RMI2: variants seen among roughly 807,000 people sequenced by gnomAD.
RMI2 encodes recQ-mediated genome instability protein 2.
A neutral mutation model predicts 8.4 loss-of-function variants in RMI2; 11 were observed. The observed-to-expected ratio is 1.32, with a 90% CI of 0.83 to 2.18. The LOEUF is 2.18. RMI2 is among the 30% of genes most tolerant of loss of function. RMI2 has a pLI of 0.00. For missense variants in RMI2, 253 were observed against 207.5 expected (o/e 1.22, Z -1.35); for synonymous variants, 105 against 93.8 (o/e 1.12, Z -0.69).
Position 11,351,256 on chromosome 16 carries a change from C to G in RMI2, c.*466C>G, listed in dbSNP as rs2070968094. ...GTAAAAAAGGAATGACATCCTGGCT[C>G]CTCATCTTCTTCATCAGCAACTACC... On this transcript the variant is annotated 3_prime_UTR_variant, in exon 2 of 2. Coordinates refer to ENST00000312499, the MANE Select transcript of RMI2 (RefSeq NM_152308.3). 4 of 233,200 alleles carry G rather than the reference C, an allele frequency of 1.7e-5. No homozygotes were observed. Among genetic ancestry groups the G allele is most frequent in the Non-Finnish European group, 3.4e-5 (4 of 118,150 alleles). 14.4% of individuals were successfully genotyped at this position (233,200 alleles called of 1,614,324 possible). A position where few individuals can be genotyped will look rare whatever the true frequency, so the allele number is the denominator to read the frequency against.
At chr16:11,346,444 A>G (rs1055621838) in intron 1 of RMI2, among the ~76,000 whole-genome samples, 3 of 152,094 alleles carry the variant, frequency 2.0e-5, no homozygotes, top group Non-Finnish European at 4.4e-5. Flanking sequence ...ATTTTTTAGC[A>G]GAGACTGGGT....
Position 11,345,780 on chromosome 16 carries a change from C to A in RMI2, c.295+14C>A. The stretch of plus-strand genomic sequence containing the variant: ...GTCTAGTCCCAGGTAATGCCCGGGC[C>A]TTACCGGGCGCCCTCTTCCCTGCTG... On this transcript the variant is annotated intron_variant, in intron 1 of 1. Coordinates refer to ENST00000312499, the MANE Select transcript of RMI2 (RefSeq NM_152308.3). The A allele has an allele frequency of 2.4e-6, 3 of 1,232,916 alleles. No homozygotes were observed. The highest frequency in any genetic ancestry group is 3.0e-6 in the Non-Finnish European group (3 of 988,106). The allele number at this position is 1,232,916 out of a possible 1,614,324, so 76.4% of individuals were successfully genotyped here.
At chr16:11,348,784 TG>T (rs2070919057) in intron 1 of RMI2, 1 of 152,564 alleles carries the variant, frequency 6.6e-6, no homozygotes, top group African/African-American at 2.4e-5. Flanking sequence ...GGACTTTCAG[TG>T]TTAAAACTGG....
chr16:11,346,016 A>C (rs2070861043), intron 1 of RMI2, among the ~76,000 whole-genome samples: 1 of 152,118 alleles, frequency 6.6e-6, no homozygotes, highest in African/African-American at 2.4e-5. Flanking sequence ...TCCCACCCCT[A>C]GTGGGAATCT....
intron 1 of RMI2, among the ~76,000 whole-genome samples, chr16:11,346,440 T>A (rs938005307): frequency 6.6e-5 from 10 of 152,128 alleles, no homozygotes; most frequent in Admixed American, 2.0e-4. Flanking sequence ...TTGTATTTTT[T>A]AGCAGAGACT....
At chr16:11,345,808 C>T (rs74010208) in intron 1 of RMI2, 42 bp downstream of exon 1, 3 of 1,222,290 alleles carry the variant, frequency 2.5e-6, no homozygotes, top group South Asian at 8.3e-5. Flanking sequence ...CCCTGCTGCC[C>T]GCCGAGAAGT....
rs770956476 is a variant in RMI2, at chr16:11,345,540, C to G, written c.69C>G (p.Leu23=). Residue 23 remains leucine, a synonymous_variant, in exon 1 of 2, where the codon CTC becomes CTG. Coordinates refer to ENST00000312499, the MANE Select transcript of RMI2 (RefSeq NM_152308.3). ...AGVRLPRSPP[L]KVLAEQLRRD... is the part of the protein sequence containing the mutation. ...TGCGGCTTCCGAGGTCGCCGCCACT[C>G]AAGGTGCTGGCGGAGCAGCTGCGGC... 4.7e-6 allele frequency: 6 copies of G among 1,278,814 alleles called. No homozygotes were observed. The South Asian group carries it at 1.3e-4, about 29-fold the overall frequency. 79.2% of individuals were successfully genotyped at this position (1,278,814 alleles called of 1,614,324 possible).
intron 1 of RMI2, among the ~76,000 whole-genome samples, 186 bp downstream of exon 1, chr16:11,345,952 C>G (rs905393420): frequency 1.3e-5 from 2 of 152,006 alleles, no homozygotes; most frequent in African/African-American, 2.4e-5. Context: ...TGAAGTTGAT[C>G]TGATGATAAG....
In RMI2 at chr16:11,350,613, A is replaced by G. The variant is rs555618893; in HGVS notation, c.296-29A>G. On this transcript the variant is annotated intron_variant, in intron 1 of 1. Coordinates refer to ENST00000312499, the MANE Select transcript of RMI2 (RefSeq NM_152308.3). ...TCAAAAGAAGAAAAAAAAAAAGAAC[A>G]TTACTATGGGCTTTTCTTCTTTTTC... 37 of 1,382,558 alleles carry G rather than the reference A, an allele frequency of 2.7e-5. No homozygotes were observed. In the East Asian group the frequency reaches 9.1e-4, roughly 34 times the overall value. The allele number at this position is 1,382,558 out of a possible 1,614,324, so 85.6% of individuals were successfully genotyped here. A position where few individuals can be genotyped will look rare whatever the true frequency, so the allele number is the denominator to read the frequency against.
intron 1 of RMI2, among the ~76,000 whole-genome samples, chr16:11,347,109 G>A (rs2070886196): frequency 6.6e-6 from 1 of 152,264 alleles, no homozygotes; most frequent in African/African-American, 2.4e-5. Context: ...CATGTGCAGT[G>A]TTGGGCTGCA....
chr16:11,350,040 C>T (rs962195850), intron 1 of RMI2, among the ~76,000 whole-genome samples: 2 of 152,126 alleles, frequency 1.3e-5, no homozygotes, highest in East Asian at 1.9e-4. Context: ...CCAGCCTTTT[C>T]GGCAATGTGG....
chr16:11,347,851 G>T (rs1483600045), intron 1 of RMI2, among the ~76,000 whole-genome samples: 2 of 152,216 alleles, frequency 1.3e-5, no homozygotes, highest in East Asian at 1.9e-4. Flanking sequence ...CGCAGTCATG[G>T]CTTGCTGCAA....
At chr16:11,347,565 C>G (rs1047318662) in intron 1 of RMI2, among the ~76,000 whole-genome samples, 3 of 152,116 alleles carry the variant, frequency 2.0e-5, no homozygotes, top group African/African-American at 7.2e-5. Context: ...AAACAACTGC[C>G]TTAGTACTGC....
Position 11,349,894 on chromosome 16 carries a change from G to A in RMI2, c.296-748G>A, listed in dbSNP as rs2070941667. On this transcript the variant is annotated intron_variant, in intron 1 of 1. Coordinates refer to ENST00000312499, the MANE Select transcript of RMI2 (RefSeq NM_152308.3). The surrounding 1 kb of genome is among the most constrained non-coding windows in gnomAD (Gnocchi z 4.2). ...GAGAGTCACTTCCCCAAGGGAATGG[G>A]AAGAGAGTCACAGTTAATACGTCAT... Among the ~76,000 whole-genome samples the A allele has an allele frequency of 6.6e-6, 1 of 152,258 alleles. No individual in the cohort carries two copies. The highest frequency in any genetic ancestry group is 2.1e-4 in the South Asian group (1 of 4,830).
At chr16:11,345,862 G>A (rs1439404865) in intron 1 of RMI2, 96 bp downstream of exon 1, 3 of 1,053,346 alleles carry the variant, frequency 2.8e-6, no homozygotes, top group Non-Finnish European at 3.6e-6. Flanking sequence ...TCGAACGGGG[G>A]CGGGGCGGGT....
Position 11,350,911 on chromosome 16 carries a change from T to TG in RMI2, c.*122dup, listed in dbSNP as rs1297774258. On this transcript the variant is annotated 3_prime_UTR_variant, in exon 2 of 2. Transcript: ENST00000312499. ...TTTTCAAATGCTTCTCAGAGAGCCT[T>TG]GCTTTGGTTGACCAAGGAGTCCGGA... The TG allele has an allele frequency of 4.8e-6, 4 of 835,212 alleles. No homozygotes were observed. Among genetic ancestry groups the TG allele is most frequent in the Non-Finnish European group, 7.1e-6 (4 of 562,042 alleles). The allele number at this position is 835,212 out of a possible 1,614,324, so 51.7% of individuals were successfully genotyped here. A position where few individuals can be genotyped will look rare whatever the true frequency, so the allele number is the denominator to read the frequency against.
intron 1 of RMI2, 121 bp from the exon 2 acceptor site, chr16:11,350,521 T>G: frequency 1.4e-6 from 1 of 720,412 alleles, no homozygotes; most frequent in Non-Finnish European, 2.2e-6. Flanking sequence ...ACTCAGGAGG[T>G]GGAGGCTGCA....
rs2063337501 is a variant in RMI2, at chr16:11,350,921, G to C, written c.*131G>C. The C allele has an allele frequency of 5.7e-6, 4 of 701,012 alleles. No homozygotes were observed. Among genetic ancestry groups the C allele is most frequent in the Middle Eastern group, 4.1e-4 (1 of 2,416 alleles). The allele number at this position is 701,012 out of a possible 1,614,324, so 43.4% of individuals were successfully genotyped here. A position where few individuals can be genotyped will look rare whatever the true frequency, so the allele number is the denominator to read the frequency against. On this transcript the variant is annotated 3_prime_UTR_variant, in exon 2 of 2. Transcript: ENST00000312499. ...CTTCTCAGAGAGCCTTGCTTTGGTTGACCAAGGAGTCCGGATGTAGGAATG... is the reference window on the plus strand; with the variant it reads ...CTTCTCAGAGAGCCTTGCTTTGGTTCACCAAGGAGTCCGGATGTAGGAATG...
chr16:11,346,056 G>A (rs1212143423), intron 1 of RMI2, among the ~76,000 whole-genome samples: 1 of 152,188 alleles, frequency 6.6e-6, no homozygotes. Context: ...ACCTTCGTTT[G>A]TCACAAGCCC....
Sources: allele counts gnomAD v4.1 joint callset (sites outside exome capture counted in the v4.1 genomes callset), GRCh38; gene constraint gnomAD v4.1.1; non-coding constraint Gnocchi (gnomAD v3.1); transcripts MANE v1.5; gene names NCBI Gene and HGNC (gene_info 2026-07-23, HGNC 2026-07-21).